Variants in COG4 observed in about 807,000 individuals in gnomAD.
COG4 encodes the protein conserved oligomeric Golgi complex subunit 4.
COG4 carries 65 observed loss-of-function variants against 95.1 expected under a neutral mutation model. The observed-to-expected ratio is 0.68, with a 90% CI of 0.56 to 0.84. The LOEUF (loss-of-function observed/expected upper bound fraction) is 0.84, where lower values mean the gene tolerates loss of function less well. Among genes scored for constraint, COG4 ranks in the 40% least tolerant of loss-of-function variants. COG4 has a pLI of 0.00. For synonymous variants in COG4, 421 were observed against 374.8 expected (o/e 1.12, Z -1.42); for missense variants, 1,045 against 989.1 (o/e 1.06, Z -0.76).
intron 8 of COG4, among the ~76,000 whole-genome samples, chr16:70,506,593 C>CAAAAAAAAAAAAAAAAA (rs1237710539): frequency 6.8e-5 from 1 of 14,702 alleles, no homozygotes; most frequent in African/African-American, 2.4e-4. Context: ...GAGACTGCCT[C>CAAAAAAAAAAAAAAAAA]AAAAAAAAAA....
Position 70,496,288 on chromosome 16 carries a change from T to C in COG4, c.1625A>G (p.Asp542Gly). Reference sequence around the variant, plus strand: ...TACCAGGAAGGACATCTTCGCCTCGTCAGTACTCTCGATGCCTTTTGTGTC... The same window carrying C: ...TACCAGGAAGGACATCTTCGCCTCGCCAGTACTCTCGATGCCTTTTGTGTC... ...KFDTKGIESTDEAKMSFLVTL... is the reference protein window; with the variant it reads ...KFDTKGIESTGEAKMSFLVTL... The change falls in exon 12 of 19, where the codon GAC (aspartate) becomes GGC (glycine). Residue 542 changes from aspartate to glycine, a missense_variant. Coordinates refer to ENST00000323786, the MANE Select transcript of COG4 (RefSeq NM_015386.3). 1 of 1,614,214 alleles carries C rather than the reference T, an allele frequency of 6.2e-7. No homozygotes were observed. The highest frequency in any genetic ancestry group is 8.5e-7 in the Non-Finnish European group (1 of 1,180,038).
In COG4 at chr16:70,497,261, T is replaced by C; in HGVS notation, c.1441A>G (p.Met481Val). The C allele has an allele frequency of 6.2e-7, 1 of 1,614,188 alleles. No homozygotes were observed. Among genetic ancestry groups the C allele is most frequent in the Non-Finnish European group, 8.5e-7 (1 of 1,180,030 alleles). ...AGCTCTGTGGTGGCGAGGTTGATCATGGCACAGAGACAGTCAATGCTGGAG... is the reference window on the plus strand; with the variant it reads ...AGCTCTGTGGTGGCGAGGTTGATCACGGCACAGAGACAGTCAATGCTGGAG... ...SSSSIDCLCA[M>V]INLATTELES... Residue 481 changes from methionine to valine, a missense_variant, in exon 11 of 19, where the codon ATG (methionine) becomes GTG (valine). Coordinates refer to ENST00000323786, the MANE Select transcript of COG4 (RefSeq NM_015386.3).
intron 5 of COG4, among the ~76,000 whole-genome samples, chr16:70,511,108 C>CACTT (rs2049694651): frequency 6.6e-6 from 1 of 152,158 alleles, no homozygotes; most frequent in Non-Finnish European, 1.5e-5. Flanking sequence ...GTAAAATGCA[C>CACTT]ACTTAAACAT....
intron 3 of COG4, chr16:70,515,919 T>A: frequency 2.2e-6 from 1 of 445,524 alleles, no homozygotes; most frequent in South Asian, 1.6e-5. Flanking sequence ...TCCTACTGCT[T>A]TGGTCTCCCA....
intron 3 of COG4, among the ~76,000 whole-genome samples, chr16:70,515,529 C>A (rs2049803442): frequency 6.6e-6 from 1 of 151,992 alleles, no homozygotes; most frequent in African/African-American, 2.4e-5. Flanking sequence ...ACTAAAAATA[C>A]AAAAATTAGC....
chr16:70,506,333 G>T (rs1000163720), intron 8 of COG4, among the ~76,000 whole-genome samples: 2 of 151,632 alleles, frequency 1.3e-5, no homozygotes, highest in Non-Finnish European at 2.9e-5. Context: ...AATCCAGGAG[G>T]CGGAGCTTGC....
intron 18 of COG4, 26 bp downstream of exon 18, chr16:70,481,333 G>A (rs765463834): frequency 2.5e-6 from 4 of 1,611,026 alleles, no homozygotes; most frequent in Non-Finnish European, 3.4e-6. Flanking sequence ...ACCCCTCCCT[G>A]GCTGGGCCAA....
chr16:70,482,039 G>A, intron 16 of COG4, 53 bp downstream of exon 16: 1 of 1,496,506 alleles, frequency 6.7e-7, no homozygotes, highest in African/African-American at 1.4e-5. Flanking sequence ...CAGGCTGCTG[G>A]TTTGGGCTGA....
chr16:70,483,454 G>A (rs1265186388), intron 14 of COG4, among the ~76,000 whole-genome samples: 1 of 151,566 alleles, frequency 6.6e-6, no homozygotes, highest in Admixed American at 6.6e-5. Flanking sequence ...CCAGATCTCA[G>A]CTGATTCAGG....
chr16:70,487,515 G>A (rs1201547680), intron 13 of COG4, among the ~76,000 whole-genome samples: 2 of 151,934 alleles, frequency 1.3e-5, no homozygotes, highest in Admixed American at 1.3e-4. Context: ...GAGAATCACA[G>A]AAGTTGCAGT....
At chr16:70,518,024 G>A (rs1010316785) in intron 2 of COG4, among the ~76,000 whole-genome samples, 3 of 151,688 alleles carry the variant, frequency 2.0e-5, no homozygotes, top group African/African-American at 7.3e-5. Flanking sequence ...TCCGCCTCCC[G>A]GGTTCAAGCG....
Position 70,497,424 on chromosome 16 carries a change from T to C in COG4, c.1315-37A>G, listed in dbSNP as rs200602813. On this transcript the variant is annotated intron_variant, in intron 10 of 18. Transcript: ENST00000323786. ...GCAAAGCCAACACTGAGGGTCCCAG[T>C]TGTGCATGTCATGTTCTAGATGATT... 7 of 1,602,356 alleles carry C rather than the reference T, an allele frequency of 4.4e-6. No homozygotes were observed. The East Asian group carries it at 1.6e-4, about 36-fold the overall frequency.
At chr16:70,515,556 T>C (rs1235134209) in intron 3 of COG4, among the ~76,000 whole-genome samples, 1 of 152,016 alleles carries the variant, frequency 6.6e-6, no homozygotes, top group African/African-American at 2.4e-5. Flanking sequence ...TGGTGGCGCA[T>C]GCCTGTAATC....
chr16:70,516,079 TTC>T, intron 3 of COG4: 1 of 456,028 alleles, frequency 2.2e-6, no homozygotes, highest in Non-Finnish European at 4.4e-6. Context: ...AAATGTTTTC[TTC>T]TGAGTCTATG....
rs113206390 is a variant in COG4 at position 70,497,931 on chromosome 16, T to A, written c.1314+6A>T. ...CCATTTCCAAGAGATGCGTCCTATG[T>A]CCTACCTTATTGACAGTCTCCCTCA... On this transcript the variant is annotated splice_donor_region_variant and intron_variant, in intron 10 of 18. Coordinates refer to ENST00000323786, the MANE Select transcript of COG4 (RefSeq NM_015386.3). 3 of 1,513,764 alleles carry A rather than the reference T, an allele frequency of 2.0e-6. No homozygotes were observed. The highest frequency in any genetic ancestry group is 1.8e-6 in the Non-Finnish European group (2 of 1,088,574). The allele number at this position is 1,513,764 out of a possible 1,614,324, so 93.8% of individuals were successfully genotyped here. A position where few individuals can be genotyped will look rare whatever the true frequency, so the allele number is the denominator to read the frequency against.
chr16:70,481,661 G>A (rs1183898653), intron 17 of COG4, 103 bp downstream of exon 17: 3 of 1,340,350 alleles, frequency 2.2e-6, no homozygotes, highest in Non-Finnish European at 2.1e-6. Context: ...TGCAGGGCCT[G>A]TGGGCAGCAG....
At chr16:70,513,922 T>C (rs967714698) in intron 4 of COG4, among the ~76,000 whole-genome samples, 5 of 152,012 alleles carry the variant, frequency 3.3e-5, no homozygotes, top group African/African-American at 9.7e-5. Context: ...CAAGAAAACT[T>C]CCTGGCTGGG....
chr16:70,488,643 G>T (rs1011882639), intron 13 of COG4, among the ~76,000 whole-genome samples: 1 of 152,080 alleles, frequency 6.6e-6, no homozygotes, highest in Non-Finnish European at 1.5e-5. Flanking sequence ...CACCTCCGGG[G>T]TTCAAACAAT....
At chr16:70,497,432 G>A (rs2049363049) in intron 10 of COG4, 45 bp from the exon 11 acceptor site, 5 of 1,589,612 alleles carry the variant, frequency 3.1e-6, no homozygotes, top group African/African-American at 1.3e-5. Context: ...AGTTGTGCAT[G>A]TCATGTTCTA....
Sources: allele counts gnomAD v4.1 joint callset (sites outside exome capture counted in the v4.1 genomes callset), GRCh38; gene constraint gnomAD v4.1.1; transcripts MANE v1.5; gene names NCBI Gene and HGNC (gene_info 2026-07-23, HGNC 2026-07-21).